Variants in FMN2 observed in about 807,000 individuals in gnomAD.
FMN2 encodes the protein formin 2.
A neutral mutation model predicts 142.3 loss-of-function variants in FMN2; 51 were observed. The ratio of observed to expected loss-of-function variants is 0.36; its 90% CI spans 0.29 to 0.45. The LOEUF is 0.45. FMN2 is among the 20% of genes least tolerant of loss of function. The probability of loss-of-function intolerance (pLI) is 1.00; values close to 1 mark genes in which losing one functional copy is unlikely to be tolerated. For synonymous variants in FMN2, 882 were observed against 869.8 expected (o/e 1.01, Z -0.25); for missense variants, 1,936 against 2,122.8 (o/e 0.91, Z 1.73).
rs368502269 is a variant in FMN2 at position 240,403,313 on chromosome 1, A to G, written c.4910+10751A>G. On this transcript the variant is annotated intron_variant, in intron 15 of 17. Coordinates refer to ENST00000319653, the MANE Select transcript of FMN2 (RefSeq NM_020066.5). The stretch of plus-strand genomic sequence containing the variant: ...AGATGTTTATATTTTTCTACAAGAC[A>G]TACATGCTATTGAAATTTTTATATA... Among the ~76,000 whole-genome samples the G allele has an allele frequency of 5.9e-5, 9 of 152,366 alleles. No homozygotes were observed. In the South Asian group the frequency reaches 1.7e-3, roughly 28 times the overall value.
intron 4 of FMN2, among the ~76,000 whole-genome samples, chr1:240,191,196 T>C (rs1018101513): frequency 2.6e-5 from 4 of 152,240 alleles, no homozygotes; most frequent in African/African-American, 4.8e-5. Context: ...ACACCTGTTC[T>C]CTCAATCTGA....
chr1:240,258,256 T>A (rs1483570130), intron 7 of FMN2, among the ~76,000 whole-genome samples: 1 of 152,210 alleles, frequency 6.6e-6, no homozygotes, highest in African/African-American at 2.4e-5. Context: ...CTAATTATCA[T>A]GTGACATTAT....
At position 240,271,098 on chromosome 1, in the gene FMN2, G is replaced by GTTTTTTTTTTTTT. The variant is rs56686860; in HGVS notation, c.4153+13073_4153+13085dup. On this transcript the variant is annotated intron_variant, in intron 7 of 17. Coordinates refer to ENST00000319653, the MANE Select transcript of FMN2 (RefSeq NM_020066.5). ...ACCCCCCTAGGAACTTTCCACGATG[G>GTTTTTTTTTTTTT]TTTTTTTTTTTTTTTTTTTGTGACT... 8.4e-4 allele frequency among the ~76,000 whole-genome samples: 61 copies of GTTTTTTTTTTTTT among 72,228 alleles called. 4 individuals are homozygous for GTTTTTTTTTTTTT. Among genetic ancestry groups the GTTTTTTTTTTTTT allele is most frequent in the African/African-American group, 2.6e-3 (40 of 15,102 alleles). 47.4% of individuals were successfully genotyped at this position (72,228 alleles called of 152,430 possible).
In FMN2 at chr1:240,100,109, C is replaced by T. The variant is rs112454233; in HGVS notation, c.1615+6385C>T. On this transcript the variant is annotated intron_variant, in intron 1 of 17. Coordinates refer to ENST00000319653, the MANE Select transcript of FMN2 (RefSeq NM_020066.5). ...TGAATTGAAGCTGGAAAATTGCTAA[C>T]CTTTCTGGGCAGTCAAAATTAATTA... Among the ~76,000 whole-genome samples the T allele has an allele frequency of 9.8e-5, 15 of 152,302 alleles. 1 individual carries two copies. The highest frequency in any genetic ancestry group is 2.6e-4 in the African/African-American group (11 of 41,566).
At chr1:240,138,004 G>T (rs953537881) in intron 2 of FMN2, among the ~76,000 whole-genome samples, 21 of 148,544 alleles carry the variant, frequency 1.4e-4, no homozygotes, top group Admixed American at 5.4e-4. Flanking sequence ...GGCAGAGGTT[G>T]CAGTGAGCTG....
chr1:240,130,417 C>G (rs1662687221), intron 2 of FMN2, among the ~76,000 whole-genome samples: 1 of 152,170 alleles, frequency 6.6e-6, no homozygotes, highest in African/African-American at 2.4e-5. Flanking sequence ...ATTCTCCTGC[C>G]TCACCCTACT....
intron 14 of FMN2, among the ~76,000 whole-genome samples, chr1:240,386,248 C>T (rs974356551): frequency 3.3e-5 from 5 of 152,130 alleles, no homozygotes; most frequent in Non-Finnish European, 7.3e-5. Context: ...TTAAATGAGT[C>T]AGAAGAAAGG....
chr1:240,153,106 G>C (rs1228499018), intron 2 of FMN2, among the ~76,000 whole-genome samples: 1 of 152,152 alleles, frequency 6.6e-6, no homozygotes, highest in African/African-American at 2.4e-5. Flanking sequence ...TCATGGCTTT[G>C]CTGAGTGATT....
At chr1:240,254,551 C>T (rs1264916011) in intron 6 of FMN2, among the ~76,000 whole-genome samples, 3 of 151,960 alleles carry the variant, frequency 2.0e-5, no homozygotes, top group Non-Finnish European at 4.4e-5. Context: ...GACCCCAGGT[C>T]CCCCCTACCC....
At chr1:240,257,255 G>A (rs895709212) in intron 6 of FMN2, among the ~76,000 whole-genome samples, 9 of 152,174 alleles carry the variant, frequency 5.9e-5, no homozygotes, top group Admixed American at 6.5e-5. Context: ...GCATGGGATC[G>A]TGTGCCCTGA....
intron 2 of FMN2, among the ~76,000 whole-genome samples, chr1:240,128,884 T>G (rs1215445391): frequency 6.6e-6 from 1 of 152,126 alleles, no homozygotes; most frequent in Non-Finnish European, 1.5e-5. Flanking sequence ...CATTTTTTTT[T>G]CTTTTTTGAG....
intron 13 of FMN2, among the ~76,000 whole-genome samples, chr1:240,337,490 TAAG>T (rs1177335248): frequency 6.6e-6 from 1 of 152,186 alleles, no homozygotes; most frequent in Non-Finnish European, 1.5e-5. Flanking sequence ...GGAATTCATT[TAAG>T]AAGATTCATA....
At chr1:240,142,961 T>C in intron 2 of FMN2, 4 of 1,596,768 alleles carry the variant, frequency 2.5e-6, no homozygotes, top group Non-Finnish European at 2.6e-6. Context: ...GTGATTTGCC[T>C]AGAATAATGT....
chr1:240,303,852 A>T, intron 8 of FMN2, among the ~76,000 whole-genome samples: 1 of 150,510 alleles, frequency 6.6e-6, no homozygotes. Context: ...CTTTTCTTCC[A>T]TTTTTCTTTT....
chr1:240,422,473 T>G (rs1674801288), intron 15 of FMN2, among the ~76,000 whole-genome samples: 2 of 152,340 alleles, frequency 1.3e-5, no homozygotes, highest in East Asian at 3.9e-4. Flanking sequence ...ACACATTTTG[T>G]TAGGTTTATA....
intron 8 of FMN2, among the ~76,000 whole-genome samples, chr1:240,316,806 C>A (rs1370147328): frequency 6.6e-6 from 1 of 151,912 alleles, no homozygotes; most frequent in Non-Finnish European, 1.5e-5. Flanking sequence ...TCCCATATAC[C>A]CAGTTTTCCC....
At chr1:240,378,111 G>A (rs1309795054) in intron 14 of FMN2, among the ~76,000 whole-genome samples, 1 of 151,616 alleles carries the variant, frequency 6.6e-6, no homozygotes. Context: ...ATGTGTATAT[G>A]TGTTTTTCTC....
chr1:240,139,687 G>T (rs1663097469), intron 2 of FMN2, among the ~76,000 whole-genome samples: 1 of 152,238 alleles, frequency 6.6e-6, no homozygotes, highest in African/African-American at 2.4e-5. Context: ...AGGAATTCCA[G>T]TGGAGCGCTG....
chr1:240,366,654 C>T (rs1279119852), intron 14 of FMN2, among the ~76,000 whole-genome samples: 1 of 151,904 alleles, frequency 6.6e-6, no homozygotes, highest in Admixed American at 6.6e-5. Flanking sequence ...TCCTCTGCCT[C>T]AGCCTTCCAA....
Sources: gnomAD v4.1 joint callset for allele counts (sites outside exome capture counted in the v4.1 genomes callset) on GRCh38, gnomAD v4.1.1 for gene constraint, MANE v1.5 for transcripts, NCBI Gene and HGNC (gene_info 2026-07-23, HGNC 2026-07-21) for gene names.